The following ANKS1B variants were observed in gnomAD, a reference collection of about 807,000 sequenced individuals.
The protein encoded by ANKS1B is ankyrin repeat and sterile alpha motif domain-containing protein 1B.
Under a neutral mutation model 148.3 loss-of-function variants are expected in ANKS1B, and 36 were observed. The observed-to-expected ratio is 0.24, with a 90% CI of 0.19 to 0.32. The LOEUF is 0.32. Ranked by LOEUF, ANKS1B falls within the 10% of genes least tolerant of loss-of-function variation. The pLI is 1.00. For synonymous variants in ANKS1B, 542 were observed against 560.8 expected (o/e 0.97, Z 0.47); for missense variants, 1,157 against 1,542.6 (o/e 0.75, Z 4.19).
chr12:99,767,236 T>A (rs919726363), intron 8 of ANKS1B, among the ~76,000 whole-genome samples: 1 of 152,094 alleles, frequency 6.6e-6, no homozygotes, highest in Non-Finnish European at 1.5e-5. Context: ...AGAGGCATAG[T>A]TGCTGAACAA....
intron 9 of ANKS1B, among the ~76,000 whole-genome samples, chr12:99,560,840 CTTTT>C (rs58588885): frequency 4.2e-5 from 3 of 71,922 alleles, no homozygotes; most frequent in Admixed American, 1.9e-4. Context: ...TTTCTTTTTT[CTTTT>C]TTTTTTTTTT....
chr12:98,784,373 A>C (rs1311859666), intron 22 of ANKS1B, among the ~76,000 whole-genome samples: 1 of 152,206 alleles, frequency 6.6e-6, no homozygotes, highest in Non-Finnish European at 1.5e-5. Flanking sequence ...AGATGCCTAC[A>C]ACACAGTATC....
At chr12:99,908,243 G>C (rs1302902132) in intron 1 of ANKS1B, among the ~76,000 whole-genome samples, 1 of 151,950 alleles carries the variant, frequency 6.6e-6, no homozygotes, top group East Asian at 1.9e-4. Context: ...CTAATATAAG[G>C]ACAAAAATCA....
At chr12:99,834,670 A>G (rs2084545113) in intron 1 of ANKS1B, among the ~76,000 whole-genome samples, 1 of 152,220 alleles carries the variant, frequency 6.6e-6, no homozygotes, top group Non-Finnish European at 1.5e-5. Context: ...CCATATGTAC[A>G]GCAAATAAGA....
At chr12:98,763,253 T>C (rs2098436529) in intron 25 of ANKS1B, among the ~76,000 whole-genome samples, 1 of 152,218 alleles carries the variant, frequency 6.6e-6, no homozygotes, top group Admixed American at 6.5e-5. Context: ...TCGAGAATAT[T>C]CTGGGCATAT....
intron 2 of ANKS1B, among the ~76,000 whole-genome samples, chr12:99,815,787 T>G (rs948592746): frequency 1.7e-4 from 26 of 151,838 alleles, no homozygotes; most frequent in African/African-American, 6.0e-4. Context: ...AATAACGGCT[T>G]CCAGTTCCAT....
chr12:99,696,666 A>G (rs1334063516), intron 8 of ANKS1B, among the ~76,000 whole-genome samples: 2 of 152,212 alleles, frequency 1.3e-5, no homozygotes, highest in Non-Finnish European at 2.9e-5. Context: ...TGGGTTTGGC[A>G]ATAACATTTT....
chr12:98,826,039 T>C (rs933949350), intron 19 of ANKS1B, among the ~76,000 whole-genome samples: 13 of 152,154 alleles, frequency 8.5e-5, no homozygotes, highest in African/African-American at 2.7e-4. Flanking sequence ...GGTGTGGAAA[T>C]TGGGGAGTGT....
At chr12:98,791,963 C>T (rs902100157) in intron 22 of ANKS1B, among the ~76,000 whole-genome samples, 1 of 152,124 alleles carries the variant, frequency 6.6e-6, no homozygotes, top group Non-Finnish European at 1.5e-5. Flanking sequence ...AACCCATTCC[C>T]TCTATTGTTT....
At chr12:98,944,321 A>AAT (rs55806224) in intron 17 of ANKS1B, among the ~76,000 whole-genome samples, 1 of 146,632 alleles carries the variant, frequency 6.8e-6, no homozygotes, top group Non-Finnish European at 1.5e-5. Context: ...AAAAAAAAAA[A>AAT]GCCTAGCATC....
rs139208188 is a variant in ANKS1B, at chr12:99,326,415, C to T, written c.1756+73216G>A. ...TCCACCACAACAATGCTTCAGCTCA[C>T]TCCTCTCACCAAACAAGGGCAATTT... On this transcript the variant is annotated intron_variant, in intron 12 of 26. Transcript: ENST00000683438. Among the ~76,000 whole-genome samples, 606 of 152,236 alleles carry T rather than the reference C, an allele frequency of 4.0e-3. 4 individuals are homozygous for T. The highest frequency in any genetic ancestry group is 0.014 in the African/African-American group (577 of 41,564).
intron 17 of ANKS1B, among the ~76,000 whole-genome samples, chr12:98,958,975 C>T (rs1597592284): frequency 6.6e-6 from 1 of 152,116 alleles, no homozygotes. Flanking sequence ...ATAATTATAA[C>T]AGCTTAATGG....
intron 1 of ANKS1B, among the ~76,000 whole-genome samples, chr12:99,855,085 G>A (rs370244145): frequency 6.6e-6 from 1 of 152,134 alleles, no homozygotes. Context: ...TGGCCTAAAT[G>A]TTCCACTTAA....
intron 12 of ANKS1B, among the ~76,000 whole-genome samples, chr12:99,311,016 T>C (rs2083071770): frequency 6.6e-6 from 1 of 152,160 alleles, no homozygotes; most frequent in Non-Finnish European, 1.5e-5. Context: ...CTATTACATA[T>C]AAGACACTTA....
intron 15 of ANKS1B, 38 bp from the exon 16 acceptor site, chr12:99,085,061 A>G (rs2051155063): frequency 6.8e-7 from 1 of 1,476,956 alleles, no homozygotes; most frequent in Non-Finnish European, 9.3e-7. Context: ...TAAATCAAGC[A>G]TTTATACTGT....
chr12:98,856,009 G>C (rs2099569441), intron 17 of ANKS1B, among the ~76,000 whole-genome samples: 2 of 152,216 alleles, frequency 1.3e-5, no homozygotes, highest in Admixed American at 1.3e-4. Context: ...AGAGCATTCT[G>C]ACTTTCTCTG....
rs143640156 is a variant in ANKS1B at position 98,978,959 on chromosome 12, C to T, written c.2778+74198G>A. On this transcript the variant is annotated intron_variant, in intron 17 of 26. Transcript: ENST00000683438. The stretch of plus-strand genomic sequence containing the variant: ...GAGATTGAGAACATCCTGGCTAACA[C>T]GGTGAAACCCATCTCTACTAAAAAT... 9.1e-4 allele frequency among the ~76,000 whole-genome samples: 138 copies of T among 151,938 alleles called. 1 individual carries two copies. Among genetic ancestry groups the T allele is most frequent in the African/African-American group, 3.1e-3 (130 of 41,480 alleles).
Position 99,402,665 on chromosome 12 carries a change from G to A in ANKS1B, c.1576-2854C>T, listed in dbSNP as rs985296159. 2.7e-5 allele frequency among the ~76,000 whole-genome samples: 4 copies of A among 145,790 alleles called. 1 individual carries two copies. The highest frequency in any genetic ancestry group is 5.2e-5 in the African/African-American group (2 of 38,346). On this transcript the variant is annotated intron_variant, in intron 11 of 26. Transcript: ENST00000683438. ...GGACATGATCTCATTCTTTTTTATG[G>A]CTGCATAGTATTCCGTGGTGTATAT...
intron 14 of ANKS1B, among the ~76,000 whole-genome samples, chr12:99,168,441 C>A (rs2077409863): frequency 6.6e-6 from 1 of 151,384 alleles, no homozygotes; most frequent in Admixed American, 6.6e-5. Flanking sequence ...ATCACTTGAA[C>A]CTGGGAGGCA....
Sources: gnomAD v4.1 joint callset for allele counts (sites outside exome capture counted in the v4.1 genomes callset) on GRCh38, gnomAD v4.1.1 for gene constraint, MANE v1.5 for transcripts, NCBI Gene and HGNC (gene_info 2026-07-23, HGNC 2026-07-21) for gene names.